The following IQCJ variants were observed in gnomAD, a reference collection of about 807,000 sequenced individuals.
IQCJ encodes the protein IQ domain-containing protein J.
IQCJ carries 9 observed loss-of-function variants against 11.0 expected under a neutral mutation model. That is an observed-to-expected ratio of 0.82 (90% CI 0.49 to 1.43). The LOEUF is 1.43. Among genes scored for constraint, IQCJ ranks in the 40% most tolerant of loss-of-function variants. IQCJ has a pLI of 0.00. For synonymous variants in IQCJ, 55 were observed against 51.3 expected, an observed-to-expected ratio of 1.07 and a Z score of -0.31; for missense variants, 146 against 133.2, an observed-to-expected ratio of 1.10 and a Z score of -0.47.
chr3:159,089,698 C>G (rs1438694807), intron 1 of IQCJ, among the ~76,000 whole-genome samples: 2 of 151,768 alleles, frequency 1.3e-5, no homozygotes, highest in East Asian at 3.9e-4. Context: ...ACCCTTTCTT[C>G]CAGTTGATCT....
At chr3:159,197,521 TA>T (rs1190058382) in intron 1 of IQCJ, among the ~76,000 whole-genome samples, 1 of 152,154 alleles carries the variant, frequency 6.6e-6, no homozygotes, top group Non-Finnish European at 1.5e-5. Flanking sequence ...TTTCCAAATG[TA>T]GGGATAATTT....
chr3:159,089,243 T>C (rs995572359), intron 1 of IQCJ, among the ~76,000 whole-genome samples: 1 of 152,200 alleles, frequency 6.6e-6, no homozygotes, highest in South Asian at 2.1e-4. Context: ...TGTTGAATAT[T>C]GGCCCCCACT....
intron 1 of IQCJ, among the ~76,000 whole-genome samples, chr3:159,169,684 A>C (rs1252383616): frequency 6.6e-6 from 1 of 152,108 alleles, no homozygotes; most frequent in African/African-American, 2.4e-5. Flanking sequence ...TTGTTGCTTC[A>C]CCCACCTTCA....
intron 1 of IQCJ, among the ~76,000 whole-genome samples, chr3:159,170,887 G>A (rs1722451225): frequency 6.6e-6 from 1 of 152,068 alleles, no homozygotes; most frequent in Admixed American, 6.5e-5. Context: ...TCTAATATTA[G>A]CTTTCCATTC....
At chr3:159,249,106 T>C (rs1249530026) in intron 2 of IQCJ, among the ~76,000 whole-genome samples, 1 of 152,192 alleles carries the variant, frequency 6.6e-6, no homozygotes, top group Non-Finnish European at 1.5e-5. Context: ...TCCACCCGCC[T>C]TGGCCTCCCA....
intron 1 of IQCJ, among the ~76,000 whole-genome samples, chr3:159,107,195 A>G (rs1010475300): frequency 6.6e-5 from 10 of 152,168 alleles, no homozygotes; most frequent in African/African-American, 2.4e-4. Context: ...CCAAGGCTGT[A>G]GTATTAGGAG....
intron 2 of IQCJ, among the ~76,000 whole-genome samples, chr3:159,248,536 G>C (rs534285749): frequency 6.6e-6 from 1 of 152,280 alleles, no homozygotes; most frequent in South Asian, 2.1e-4. Context: ...AATGACATTA[G>C]GTCTAGATCA....
At chr3:159,174,132 A>T (rs932977876) in intron 1 of IQCJ, among the ~76,000 whole-genome samples, 2 of 152,014 alleles carry the variant, frequency 1.3e-5, no homozygotes, top group African/African-American at 2.4e-5. Flanking sequence ...CATTTTTAAA[A>T]CTTATAATTC....
In IQCJ at chr3:159,263,024, A is replaced by G. The variant is rs1728306644; in HGVS notation, c.*293A>G. ...GTTTCTTTTATTGTGTGGTGCTAATATGATAGAAGATAAGATTGGTTATAA... is the reference window on the plus strand; with the variant it reads ...GTTTCTTTTATTGTGTGGTGCTAATGTGATAGAAGATAAGATTGGTTATAA... On this transcript the variant is annotated 3_prime_UTR_variant, in exon 4 of 4. Coordinates refer to ENST00000397832, the MANE Select transcript of IQCJ (RefSeq NM_001042706.3). 3.8e-6 allele frequency: 4 copies of G among 1,054,264 alleles called. 1 individual carries two copies. In the South Asian group the frequency reaches 1.6e-4, roughly 43 times the overall value. 65.3% of individuals were successfully genotyped at this position (1,054,264 alleles called of 1,614,324 possible).
Position 159,090,194 on chromosome 3 carries a change from C to G in IQCJ, c.9+20753C>G, listed in dbSNP as rs56130454. Among the ~76,000 whole-genome samples the G allele has an allele frequency of 8.1e-3, 1,234 of 151,824 alleles. 40 individuals are homozygous for G. Among genetic ancestry groups the G allele is most frequent in the African/African-American group, 0.029 (1,189 of 41,144 alleles). ...GTACTGGGCCCTGTGAGGTGTCAGT[C>G]TGCCCCTGCTGTGGGGTGCCTCCCG... On this transcript the variant is annotated intron_variant, in intron 1 of 3. Coordinates refer to ENST00000397832, the MANE Select transcript of IQCJ (RefSeq NM_001042706.3).
At chr3:159,244,464 G>A (rs150433519) in intron 1 of IQCJ, among the ~76,000 whole-genome samples, 50 of 152,284 alleles carry the variant, frequency 3.3e-4, no homozygotes, top group African/African-American at 1.2e-3. Context: ...TGGGCTCAGG[G>A]ACTCAGCCAA....
chr3:159,198,949 T>C (rs992587053), intron 1 of IQCJ, among the ~76,000 whole-genome samples: 1 of 152,222 alleles, frequency 6.6e-6, no homozygotes, highest in Admixed American at 6.5e-5. Flanking sequence ...TCCATTTACC[T>C]GGCACAGTCA....
intron 3 of IQCJ, among the ~76,000 whole-genome samples, chr3:159,260,866 A>G (rs1728162147): frequency 1.3e-5 from 2 of 152,118 alleles, no homozygotes; most frequent in South Asian, 4.1e-4. Context: ...AATCATGAAG[A>G]GCCCCTCATC....
intron 1 of IQCJ, among the ~76,000 whole-genome samples, chr3:159,143,593 A>G (rs568269627): frequency 6.6e-6 from 1 of 152,350 alleles, no homozygotes; most frequent in South Asian, 2.1e-4. Context: ...AGGATTGGGC[A>G]GGAGAAGTTA....
At chr3:159,195,290 T>A (rs1723919905) in intron 1 of IQCJ, among the ~76,000 whole-genome samples, 1 of 152,184 alleles carries the variant, frequency 6.6e-6, no homozygotes, top group African/African-American at 2.4e-5. Flanking sequence ...GCCTTTCTTC[T>A]CTTAGAAGAC....
chr3:159,179,623 T>A (rs1385250902), intron 1 of IQCJ, among the ~76,000 whole-genome samples: 2 of 152,212 alleles, frequency 1.3e-5, no homozygotes, highest in African/African-American at 4.8e-5. Flanking sequence ...TGGGGAAAAA[T>A]TATGTGAGAC....
chr3:159,176,247 G>T (rs1224865276), intron 1 of IQCJ, among the ~76,000 whole-genome samples: 1 of 151,530 alleles, frequency 6.6e-6, no homozygotes, highest in East Asian at 1.9e-4. Context: ...TTTTTCACTT[G>T]TTTACAGTAC....
intron 1 of IQCJ, among the ~76,000 whole-genome samples, chr3:159,150,905 G>A (rs1721176637): frequency 6.6e-6 from 1 of 152,018 alleles, no homozygotes. Context: ...GACTACCCTG[G>A]TGCTTTGATT....
At chr3:159,259,308 A>G (rs143250142) in intron 3 of IQCJ, among the ~76,000 whole-genome samples, 2 of 152,378 alleles carry the variant, frequency 1.3e-5, no homozygotes, top group Admixed American at 6.5e-5. Context: ...TCTGTTTAGA[A>G]GTAAACCCTT....
Sources: allele counts gnomAD v4.1 joint callset (sites outside exome capture counted in the v4.1 genomes callset), GRCh38; gene constraint gnomAD v4.1.1; transcripts MANE v1.5; gene names NCBI Gene and HGNC (gene_info 2026-07-23, HGNC 2026-07-21).